UTS2B: variants seen among roughly 807,000 people sequenced by gnomAD.
UTS2B encodes urotensin-2B.
In UTS2B, 21 loss-of-function variants were observed where a neutral mutation model predicts 19.2. That is an observed-to-expected ratio of 1.09 (90% CI 0.78 to 1.58). The LOEUF (loss-of-function observed/expected upper bound fraction) is 1.58, where lower values mean the gene tolerates loss of function less well. Among genes scored for constraint, UTS2B ranks in the 40% most tolerant of loss-of-function variants. The probability of loss-of-function intolerance (pLI) is 0.00; values close to 1 mark genes in which losing one functional copy is unlikely to be tolerated. For synonymous variants in UTS2B, 57 were observed against 50.2 expected, an observed-to-expected ratio of 1.14 and a Z score of -0.58; for missense variants, 138 against 130.3, an observed-to-expected ratio of 1.06 and a Z score of -0.29.
chr3:191,275,179 T>G (rs905605522), intron 8 of UTS2B, 73 bp downstream of exon 8: 2 of 1,181,572 alleles, frequency 1.7e-6, no homozygotes, highest in African/African-American at 1.5e-5. Context: ...CAACTGAATC[T>G]TCTTCCTCTC....
upstream of UTS2B, among the ~76,000 whole-genome samples, chr3:191,335,190 A>G (rs113859503): frequency 1.3e-5 from 2 of 152,194 alleles, no homozygotes; most frequent in African/African-American, 4.8e-5. Flanking sequence ...GAAAACAGTT[A>G]TGGAGACCAC....
chr3:191,324,391 G>A (rs189131759), intron 2 of UTS2B, among the ~76,000 whole-genome samples: 1 of 152,212 alleles, frequency 6.6e-6, no homozygotes, highest in Non-Finnish European at 1.5e-5. Context: ...GCTTGGCGAT[G>A]TTCCCACCCA....
chr3:191,335,925 C>T, the UTS2B span, among the ~76,000 whole-genome samples: 7 of 150,390 alleles, frequency 4.7e-5, no homozygotes, highest in Non-Finnish European at 8.9e-5. Flanking sequence ...CTTCTCAACC[C>T]CCGTTTCATG....
chr3:191,316,554 T>G (rs987812485), intron 2 of UTS2B, 115 bp from the exon 3 acceptor site: 2 of 152,102 alleles, frequency 1.3e-5, no homozygotes, highest in African/African-American at 2.4e-5. Flanking sequence ...TACATCCTGC[T>G]GATCGGTACA....
intron 4 of UTS2B, among the ~76,000 whole-genome samples, chr3:191,291,734 G>A (rs1245742264): frequency 1.3e-5 from 2 of 152,174 alleles, no homozygotes; most frequent in African/African-American, 4.8e-5. Flanking sequence ...TTACATGCGT[G>A]AGCCACCGCG....
intron 4 of UTS2B, among the ~76,000 whole-genome samples, chr3:191,286,192 A>T (rs1380771034): frequency 3.3e-5 from 5 of 152,248 alleles, no homozygotes; most frequent in African/African-American, 1.2e-4. Flanking sequence ...AGGTGATTTC[A>T]ATACCCCATT....
chr3:191,305,630 T>C (rs967103768), intron 3 of UTS2B, among the ~76,000 whole-genome samples: 2 of 152,154 alleles, frequency 1.3e-5, no homozygotes, highest in African/African-American at 2.4e-5. Context: ...CTGTTGATAG[T>C]TTCTTTTGTT....
At chr3:191,310,998 T>A (rs77408943) in intron 3 of UTS2B, among the ~76,000 whole-genome samples, 35,024 of 152,166 alleles carry the variant, frequency 0.23, 4,275 homozygotes, top group South Asian at 0.29. Context: ...AAGAAGCAAT[T>A]TAAAGGTTCT....
chr3:191,312,556 CT>C (rs1378495364), intron 3 of UTS2B, among the ~76,000 whole-genome samples: 1 of 152,152 alleles, frequency 6.6e-6, no homozygotes, highest in Non-Finnish European at 1.5e-5. Flanking sequence ...ATAAATGCCC[CT>C]ATACAAATCA....
intron 1 of UTS2B, chr3:191,329,247 G>A (rs973017691): frequency 5.7e-6 from 1 of 175,362 alleles, no homozygotes; most frequent in Non-Finnish European, 1.2e-5. Flanking sequence ...TGAGCACAAA[G>A]GAGACAACAG....
intron 4 of UTS2B, among the ~76,000 whole-genome samples, chr3:191,287,523 C>T (rs187726551): frequency 2.0e-5 from 3 of 151,954 alleles, no homozygotes; most frequent in Admixed American, 1.3e-4. Context: ...TCAACAGATG[C>T]AGAAAAAACA....
At chr3:191,328,438 C>T (rs1318320753) in intron 2 of UTS2B, 193 bp downstream of exon 2, 1 of 152,352 alleles carries the variant, frequency 6.6e-6, no homozygotes, top group Non-Finnish European at 1.5e-5. Context: ...TTGGCCTCAT[C>T]ATCTCCTAGA....
At chr3:191,288,543 G>A (rs1716619723) in intron 4 of UTS2B, among the ~76,000 whole-genome samples, 1 of 152,122 alleles carries the variant, frequency 6.6e-6, no homozygotes, top group African/African-American at 2.4e-5. Context: ...TTTTCAATAA[G>A]TGGTGTCAAA....
At chr3:191,338,885 T>C in the UTS2B span, among the ~76,000 whole-genome samples, 1 of 152,210 alleles carries the variant, frequency 6.6e-6, no homozygotes, top group Non-Finnish European at 1.5e-5. Flanking sequence ...CTGGTAATTT[T>C]TGTACACGTT....
chr3:191,327,570 T>C (rs1261888129), intron 2 of UTS2B, among the ~76,000 whole-genome samples: 1 of 152,134 alleles, frequency 6.6e-6, no homozygotes, highest in Non-Finnish European at 1.5e-5. Context: ...CCTGTAGTCA[T>C]AGAGGGACAG....
intron 4 of UTS2B, among the ~76,000 whole-genome samples, chr3:191,292,976 C>G (rs1208491236): frequency 6.6e-6 from 1 of 151,874 alleles, no homozygotes; most frequent in East Asian, 1.9e-4. Flanking sequence ...GCGCTCCAGC[C>G]TGGGCAACAG....
At chr3:191,300,760 A>C (rs1716976881) in intron 4 of UTS2B, among the ~76,000 whole-genome samples, 1 of 152,172 alleles carries the variant, frequency 6.6e-6, no homozygotes, top group South Asian at 2.1e-4. Context: ...CTGGTTGTTT[A>C]AAAGTGTGTG....
chr3:191,271,281 T>C (rs1345441829), intron 8 of UTS2B, among the ~76,000 whole-genome samples: 1 of 151,674 alleles, frequency 6.6e-6, no homozygotes, highest in Non-Finnish European at 1.5e-5. Flanking sequence ...AATGAGATAT[T>C]GGACCACTCA....
chr3:191,267,763 A>C lies in UTS2B; in HGVS notation c.*653T>G, dbSNP rs1222198417. ...ACATTTGTATGTAGAAGTACAGTACATTTGTATGTAGAAGTACAGTATACA... is the reference window on the plus strand; with the variant it reads ...ACATTTGTATGTAGAAGTACAGTACCTTTGTATGTAGAAGTACAGTATACA... On this transcript the variant is annotated 3_prime_UTR_variant, in exon 9 of 9. Transcript: ENST00000340524. 6 of 151,674 alleles carry C rather than the reference A, an allele frequency of 4.0e-5. No individual in the cohort carries two copies. Among genetic ancestry groups the C allele is most frequent in the Admixed American group, 2.0e-4 (3 of 15,202 alleles). The allele number at this position is 151,674 out of a possible 1,614,324, so 9.4% of individuals were successfully genotyped here.
Sources: allele counts gnomAD v4.1 joint callset (sites outside exome capture counted in the v4.1 genomes callset), GRCh38; gene constraint gnomAD v4.1.1; transcripts MANE v1.5; gene names NCBI Gene and HGNC (gene_info 2026-07-23, HGNC 2026-07-21).